The following PDE8B variants were observed in gnomAD, a reference collection of about 807,000 sequenced individuals.
PDE8B encodes high affinity cAMP-specific and IBMX-insensitive 3',5'-cyclic phosphodiesterase 8B.
A neutral mutation model predicts 101.3 loss-of-function variants in PDE8B; 26 were observed. That is an observed-to-expected ratio of 0.26 (90% CI 0.19 to 0.36). PDE8B has a LOEUF of 0.36. Ranked by LOEUF, PDE8B falls within the 10% of genes least tolerant of loss-of-function variation. The pLI is 1.00. For synonymous variants in PDE8B, 424 were observed against 429.3 expected (o/e 0.99, Z 0.15); for missense variants, 810 against 1,163.1 (o/e 0.70, Z 4.42).
chr5:77,309,263 GAGAGAGAAAGAA>G (rs1410520964), intron 1 of PDE8B, among the ~76,000 whole-genome samples: 1 of 102,306 alleles, frequency 9.8e-6, no homozygotes, highest in African/African-American at 2.7e-5. Context: ...GGAGAGGAAA[GAGAGAGAAAGAA>G]AGAGAGAAAG....
At chr5:77,255,182 T>C in intron 1 of PDE8B, among the ~76,000 whole-genome samples, 1 of 152,196 alleles carries the variant, frequency 6.6e-6, no homozygotes, top group South Asian at 2.1e-4. Context: ...TGGTACACTC[T>C]TTTTGGGGGT....
chr5:77,183,163 A>G, the PDE8B span, among the ~76,000 whole-genome samples: 1 of 151,632 alleles, frequency 6.6e-6, no homozygotes, highest in African/African-American at 2.4e-5. Flanking sequence ...TCTGTTGTCC[A>G]GGCTGTAGTA....
chr5:77,093,181 G>T, the PDE8B span, among the ~76,000 whole-genome samples: 12 of 152,102 alleles, frequency 7.9e-5, no homozygotes, highest in African/African-American at 2.9e-4. Flanking sequence ...TTAAATGTTT[G>T]GTAGATTCAA....
chr5:77,216,513 A>G lies in PDE8B; in HGVS notation c.339+5249A>G, dbSNP rs902487581. Among the ~76,000 whole-genome samples, 10 of 152,316 alleles carry G rather than the reference A, an allele frequency of 6.6e-5. No homozygotes were observed. The East Asian group carries it at 1.3e-3, about 21-fold the overall frequency. ...AGAACAGTAAGGGGGGAACTGCCCC[A>G]TGATTCAATTACCTCTCACCAGGTC... On this transcript the variant is annotated intron_variant, in intron 1 of 21. Coordinates refer to ENST00000264917, the MANE Select transcript of PDE8B (RefSeq NM_003719.5).
chr5:77,406,011 G>T (rs1428389832), intron 12 of PDE8B, among the ~76,000 whole-genome samples: 2 of 152,148 alleles, frequency 1.3e-5, no homozygotes, highest in East Asian at 3.9e-4. Context: ...CATAGGCCAG[G>T]TGCGATGGCT....
chr5:77,370,560 T>C (rs914369910), intron 10 of PDE8B, among the ~76,000 whole-genome samples: 13 of 152,234 alleles, frequency 8.5e-5, no homozygotes, highest in African/African-American at 2.9e-4. Flanking sequence ...CATTCTCCCA[T>C]TGATGGGCAC....
chr5:77,306,812 C>G (rs992474510), intron 1 of PDE8B, among the ~76,000 whole-genome samples: 2 of 152,232 alleles, frequency 1.3e-5, no homozygotes, highest in African/African-American at 4.8e-5. Flanking sequence ...TCTGCCTACC[C>G]TGCACCAGCT....
chr5:77,354,437 G>A (rs1781720046), intron 10 of PDE8B, among the ~76,000 whole-genome samples: 1 of 152,160 alleles, frequency 6.6e-6, no homozygotes, highest in African/African-American at 2.4e-5. Context: ...GCAAGTCCTT[G>A]GAGACCTCTG....
chr5:77,120,281 T>C, the PDE8B span, among the ~76,000 whole-genome samples: 1 of 152,138 alleles, frequency 6.6e-6, no homozygotes, highest in African/African-American at 2.4e-5. Flanking sequence ...CAAGTAGGAG[T>C]TGACAGAGAG....
At chr5:77,248,449 G>T (rs923306048) in intron 1 of PDE8B, among the ~76,000 whole-genome samples, 14 of 140,100 alleles carry the variant, frequency 1.0e-4, no homozygotes, top group Admixed American at 1.6e-4. Context: ...AGTTTTTGTT[G>T]TTGTTGTTGT....
chr5:77,250,658 A>C (rs1757885877), intron 1 of PDE8B, among the ~76,000 whole-genome samples: 1 of 152,188 alleles, frequency 6.6e-6, no homozygotes, highest in Admixed American at 6.5e-5. Context: ...CAGGGTCCAC[A>C]ATCAGGGTGA....
intron 1 of PDE8B, among the ~76,000 whole-genome samples, chr5:77,305,232 A>G (rs1234524677): frequency 1.3e-5 from 2 of 152,180 alleles, no homozygotes; most frequent in Non-Finnish European, 2.9e-5. Context: ...GCATTGATAT[A>G]TTTTTAAAGT....
chr5:77,370,495 G>C (rs1249425310), intron 10 of PDE8B, among the ~76,000 whole-genome samples: 1 of 152,176 alleles, frequency 6.6e-6, no homozygotes, highest in Non-Finnish European at 1.5e-5. Context: ...TGATTTGGTT[G>C]CTTTTTACTG....
intron 2 of PDE8B, among the ~76,000 whole-genome samples, chr5:77,321,051 TG>T (rs2150194932): frequency 6.6e-6 from 1 of 152,018 alleles, no homozygotes; most frequent in South Asian, 2.1e-4. Context: ...AAGAAAGAGT[TG>T]AAAAGGGTGG....
At chr5:77,207,528 TTAA>T (rs1225202700), upstream of PDE8B, among the ~76,000 whole-genome samples, 1 of 151,934 alleles carries the variant, frequency 6.6e-6, no homozygotes, top group African/African-American at 2.4e-5. Flanking sequence ...TTTTCTCCAC[TTAA>T]TTATTTTTTT....
the PDE8B span, among the ~76,000 whole-genome samples, chr5:77,193,921 T>C: frequency 6.6e-6 from 1 of 152,336 alleles, no homozygotes; most frequent in East Asian, 1.9e-4. Flanking sequence ...GTATTTTGTA[T>C]TTCAATTTCC....
the PDE8B span, among the ~76,000 whole-genome samples, chr5:77,120,415 C>T: frequency 6.6e-6 from 1 of 152,006 alleles, no homozygotes; most frequent in African/African-American, 2.4e-5. Flanking sequence ...TAAATTTTGC[C>T]TTAAAAGAAA....
intron 1 of PDE8B, among the ~76,000 whole-genome samples, chr5:77,215,119 CTG>C (rs1446539630): frequency 1.7e-4 from 26 of 152,242 alleles, no homozygotes; most frequent in African/African-American, 5.1e-4. Context: ...GCTAAAAAGT[CTG>C]TAAGTGAGGA....
chr5:77,229,847 G>A (rs140064764), intron 1 of PDE8B, among the ~76,000 whole-genome samples: 82 of 152,252 alleles, frequency 5.4e-4, no homozygotes, highest in African/African-American at 1.8e-3. Flanking sequence ...ATCTATTGAC[G>A]GACATTGGGT....
Sources: allele counts gnomAD v4.1 joint callset (sites outside exome capture counted in the v4.1 genomes callset), GRCh38; gene constraint gnomAD v4.1.1; transcripts MANE v1.5; gene names NCBI Gene and HGNC (gene_info 2026-07-23, HGNC 2026-07-21).